ACBD6: variants seen among roughly 807,000 people sequenced by gnomAD.
ACBD6 encodes the protein acyl-CoA-binding domain-containing protein 6.
A neutral mutation model predicts 37.2 loss-of-function variants in ACBD6; 28 were observed. That is an observed-to-expected ratio of 0.75 (90% CI 0.56 to 1.03). ACBD6 has a LOEUF of 1.03. Ranked by LOEUF, ACBD6 falls within the 50% of genes least tolerant of loss-of-function variation. The probability of loss-of-function intolerance (pLI) is 0.00; values close to 1 mark genes in which losing one functional copy is unlikely to be tolerated. For synonymous variants in ACBD6, 113 were observed against 126.8 expected, an observed-to-expected ratio of 0.89 and a Z score of 0.73; for missense variants, 340 against 337.4, an observed-to-expected ratio of 1.01 and a Z score of -0.06.
In ACBD6 at chr1:180,502,294, G is replaced by C. The variant is rs1199254751; in HGVS notation, c.-28C>G. 6 of 1,609,396 alleles carry C rather than the reference G, an allele frequency of 3.7e-6. No individual in the cohort carries two copies. Among genetic ancestry groups the C allele is most frequent in the Non-Finnish European group, 5.1e-6 (6 of 1,178,544 alleles). On this transcript the variant is annotated 5_prime_UTR_variant, in exon 1 of 8. Coordinates refer to ENST00000367595, the MANE Select transcript of ACBD6 (RefSeq NM_032360.4). ...CTCCTTGCTCGCTCCGTCCCTCTGT[G>C]TCCGGTCTGTCCTCCTTGGATTGGG...
At chr1:180,406,489 T>A (rs1647632176) in intron 5 of ACBD6, among the ~76,000 whole-genome samples, 1 of 152,104 alleles carries the variant, frequency 6.6e-6, no homozygotes, top group Non-Finnish European at 1.5e-5. Flanking sequence ...ATAAAATAAC[T>A]TCATTATGAA....
At chr1:180,375,346 T>C (rs1653394582) in intron 6 of ACBD6, among the ~76,000 whole-genome samples, 1 of 152,138 alleles carries the variant, frequency 6.6e-6, no homozygotes, top group African/African-American at 2.4e-5. Context: ...CTGTTTTTTT[T>C]TGAGACAAGG....
intron 6 of ACBD6, among the ~76,000 whole-genome samples, chr1:180,379,837 T>C (rs1046049979): frequency 9.8e-5 from 15 of 152,288 alleles, no homozygotes; most frequent in Middle Eastern, 3.4e-3. Context: ...TTAGAAAAAC[T>C]ATAATAATAA....
rs140273114 is a variant in ACBD6, at chr1:180,385,749, C to T, written c.663+11767G>A. Among the ~76,000 whole-genome samples the T allele has an allele frequency of 1.1e-3, 175 of 152,202 alleles. 1 individual carries two copies. Among genetic ancestry groups the T allele is most frequent in the Non-Finnish European group, 2.2e-3 (149 of 68,004 alleles). The stretch of plus-strand genomic sequence containing the variant: ...CCTCACCAGAAATCAACCCTGTTGG[C>T]GCCTTTATCTTTGATTTAGAACCTC... On this transcript the variant is annotated intron_variant, in intron 6 of 7. Coordinates refer to ENST00000367595, the MANE Select transcript of ACBD6 (RefSeq NM_032360.4).
exon 14 of ACBD6, chr1:180,270,049 C>T (rs1406569912): frequency 1.3e-5 from 2 of 152,280 alleles, no homozygotes; most frequent in Non-Finnish European, 2.9e-5. Flanking sequence ...CTTCATTCCT[C>T]TAGTGCCTCC....
At chr1:180,358,121 C>A (rs1262543803) in intron 6 of ACBD6, among the ~76,000 whole-genome samples, 2 of 152,264 alleles carry the variant, frequency 1.3e-5, no homozygotes, top group South Asian at 4.1e-4. Flanking sequence ...AGACTTCTAT[C>A]ATGTAATACA....
intron 6 of ACBD6, among the ~76,000 whole-genome samples, chr1:180,353,570 T>G (rs1217781106): frequency 6.6e-6 from 1 of 151,984 alleles, no homozygotes; most frequent in East Asian, 1.9e-4. Flanking sequence ...ATGCTCAGAC[T>G]AAGATATTTT....
chr1:180,348,100 T>C (rs543406559), intron 6 of ACBD6, among the ~76,000 whole-genome samples: 1 of 152,294 alleles, frequency 6.6e-6, no homozygotes, highest in East Asian at 1.9e-4. Context: ...TAGTGTACTG[T>C]AGGCAGCCAA....
At chr1:180,417,345 C>G (rs1331238200) in intron 4 of ACBD6, among the ~76,000 whole-genome samples, 1 of 152,140 alleles carries the variant, frequency 6.6e-6, no homozygotes, top group African/African-American at 2.4e-5. Context: ...CACCTCTCTC[C>G]TTACTATAGT....
chr1:180,292,591 T>C (rs536436541), intron 7 of ACBD6, among the ~76,000 whole-genome samples: 1 of 151,964 alleles, frequency 6.6e-6, no homozygotes, highest in Non-Finnish European at 1.5e-5. Flanking sequence ...TCCTGTGAAC[T>C]TGGTGAACTC....
At chr1:180,300,279 A>G (rs1340700209) in intron 7 of ACBD6, among the ~76,000 whole-genome samples, 1 of 152,186 alleles carries the variant, frequency 6.6e-6, no homozygotes, top group Non-Finnish European at 1.5e-5. Flanking sequence ...AAAATCAACA[A>G]ATAATAACTG....
chr1:180,453,420 A>T (rs997648713), intron 3 of ACBD6, among the ~76,000 whole-genome samples: 6 of 152,246 alleles, frequency 3.9e-5, no homozygotes, highest in Admixed American at 1.3e-4. Context: ...GCTATTTATT[A>T]CAAACCCACA....
intron 4 of ACBD6, among the ~76,000 whole-genome samples, chr1:180,423,384 C>A (rs1648452534): frequency 6.6e-6 from 1 of 152,142 alleles, no homozygotes; most frequent in Admixed American, 6.6e-5. Context: ...TTCCCCCTTC[C>A]TGTCATATGA....
chr1:180,354,927 C>T (rs916046686), intron 6 of ACBD6, among the ~76,000 whole-genome samples: 5 of 152,120 alleles, frequency 3.3e-5, no homozygotes, highest in South Asian at 2.1e-4. Flanking sequence ...TAAAGACATA[C>T]GCAACATTGT....
intron 5 of ACBD6, among the ~76,000 whole-genome samples, chr1:180,405,518 G>A (rs1457036467): frequency 6.6e-6 from 1 of 152,208 alleles, no homozygotes; most frequent in Non-Finnish European, 1.5e-5. Flanking sequence ...AACTATGTAT[G>A]AATGCTTTTG....
intron 6 of ACBD6, among the ~76,000 whole-genome samples, chr1:180,329,217 T>C (rs965106753): frequency 6.6e-6 from 1 of 152,238 alleles, no homozygotes; most frequent in Non-Finnish European, 1.5e-5. Flanking sequence ...AAACATCATT[T>C]ACTGTACACA....
intron 6 of ACBD6, among the ~76,000 whole-genome samples, chr1:180,333,699 G>A (rs556728257): frequency 1.3e-5 from 2 of 152,336 alleles, no homozygotes; most frequent in South Asian, 2.1e-4. Context: ...CTGAGCGTGA[G>A]CCAAAGCAGG....
intron 6 of ACBD6, among the ~76,000 whole-genome samples, chr1:180,389,046 C>T (rs1459149207): frequency 6.6e-6 from 1 of 152,082 alleles, no homozygotes; most frequent in African/African-American, 2.4e-5. Context: ...GGTACATGTG[C>T]ACAACGTGCA....
intron 6 of ACBD6, among the ~76,000 whole-genome samples, chr1:180,358,362 G>A (rs1196100178): frequency 6.6e-6 from 1 of 152,040 alleles, no homozygotes; most frequent in East Asian, 1.9e-4. Context: ...AGGAGGCGGG[G>A]GTTGCGGTGA....
Sources: gnomAD v4.1 joint callset for allele counts (sites outside exome capture counted in the v4.1 genomes callset) on GRCh38, gnomAD v4.1.1 for gene constraint, MANE v1.5 for transcripts, NCBI Gene and HGNC (gene_info 2026-07-23, HGNC 2026-07-21) for gene names.